Variants in GCNT4 observed in about 807,000 individuals in gnomAD.
GCNT4 encodes glucosaminyl (N-acetyl) transferase 4, also known as beta-1,3-galactosyl-O-glycosyl-glycoprotein beta-1,6-N-acetylglucosaminyltransferase 4.
In GCNT4, 17 loss-of-function variants were observed where a neutral mutation model predicts 31.3. That is an observed-to-expected ratio of 0.54 (90% CI 0.37 to 0.81). The LOEUF (loss-of-function observed/expected upper bound fraction) is 0.81. Among genes scored for constraint, GCNT4 ranks in the 40% least tolerant of loss-of-function variants. The pLI is 0.00. For missense variants in GCNT4, 503 were observed against 525.5 expected, an observed-to-expected ratio of 0.96 and a Z score of 0.42; for synonymous variants, 158 against 190.6, an observed-to-expected ratio of 0.83 and a Z score of 1.41.
downstream of GCNT4, among the ~76,000 whole-genome samples, chr5:75,023,523 CAA>C (rs529493022): frequency 1.4e-5 from 2 of 144,010 alleles, no homozygotes. Flanking sequence ...TTTATGACAG[CAA>C]AAAAAAAAAG....
upstream of GCNT4, among the ~76,000 whole-genome samples, chr5:75,053,940 C>G (rs1187880447): frequency 2.0e-5 from 3 of 152,154 alleles, no homozygotes; most frequent in Admixed American, 1.3e-4. Context: ...AGTGACGAAG[C>G]AAACTCACAT....
rs200659318 is a variant in GCNT4, at chr5:75,029,292, G to A, written c.746C>T (p.Ala249Val). 6.2e-6 allele frequency: 10 copies of A among 1,613,944 alleles called. No individual in the cohort carries two copies. The highest frequency in any genetic ancestry group is 7.6e-6 in the Non-Finnish European group (9 of 1,180,008). ...LVSELKKLNGANMLETVKPPN... is the reference protein window; with the variant it reads ...LVSELKKLNGVNMLETVKPPN... ...GGGTTTCACCGTCTCCAACATATTTGCTCCATTGAGTTTTTTCAACTCTGA... is the reference window on the plus strand; with the variant it reads ...GGGTTTCACCGTCTCCAACATATTTACTCCATTGAGTTTTTTCAACTCTGA... The change falls in exon 4 of 4, where the codon GCA (alanine) becomes GTA (valine). Residue 249 changes from alanine to valine, a missense_variant. By Grantham distance (64) the Ala-to-Val change is moderately conservative (BLOSUM62 0). Coordinates refer to ENST00000652361, the MANE Select transcript of GCNT4 (RefSeq NM_001366737.1).
the GCNT4 span, among the ~76,000 whole-genome samples, chr5:75,018,020 C>T: frequency 6.6e-6 from 1 of 152,164 alleles, no homozygotes; most frequent in Non-Finnish European, 1.5e-5. Context: ...AACTCAGGCC[C>T]AATCCCAGAA....
the GCNT4 span, among the ~76,000 whole-genome samples, chr5:75,019,696 T>A: frequency 1.3e-5 from 2 of 152,210 alleles, no homozygotes; most frequent in Non-Finnish European, 2.9e-5. Context: ...CTGTAAGATT[T>A]TATATATATA....
intron 2 of GCNT4, among the ~76,000 whole-genome samples, chr5:75,050,543 A>G (rs908945413): frequency 1.3e-5 from 2 of 151,954 alleles, no homozygotes; most frequent in Non-Finnish European, 2.9e-5. Flanking sequence ...GAGGACCACC[A>G]TCTGTGGAGA....
chr5:75,031,908 G>A (rs1743072069), intron 3 of GCNT4, among the ~76,000 whole-genome samples: 1 of 152,158 alleles, frequency 6.6e-6, no homozygotes, highest in Non-Finnish European at 1.5e-5. Context: ...GAGCACCCCT[G>A]TGCAATTTCC....
chr5:75,032,462 T>A (rs1157222888), intron 3 of GCNT4, among the ~76,000 whole-genome samples: 2 of 152,202 alleles, frequency 1.3e-5, no homozygotes, highest in Non-Finnish European at 2.9e-5. Context: ...CATCCACTCA[T>A]GGCCCATGTT....
intron 3 of GCNT4, among the ~76,000 whole-genome samples, chr5:75,032,907 G>A (rs1317898133): frequency 1.5e-5 from 2 of 137,044 alleles, no homozygotes; most frequent in African/African-American, 5.6e-5. Flanking sequence ...GTGTGTGTGT[G>A]TGTGTGTGTG....
At chr5:75,035,042 C>T (rs1379070298) in intron 3 of GCNT4, among the ~76,000 whole-genome samples, 5 of 71,456 alleles carry the variant, frequency 7.0e-5, no homozygotes, top group African/African-American at 3.8e-4. Context: ...TCAGGGACAC[C>T]CCAGCTAAGC....
downstream of GCNT4, among the ~76,000 whole-genome samples, chr5:75,024,950 C>CAAAA (rs1239662355): frequency 1.2e-4 from 5 of 40,530 alleles, no homozygotes; most frequent in African/African-American, 1.8e-4. Context: ...GACTCCATCT[C>CAAAA]AAAAAAAAAA....
the GCNT4 span, among the ~76,000 whole-genome samples, chr5:75,018,034 C>A: frequency 6.6e-6 from 1 of 152,132 alleles, no homozygotes; most frequent in South Asian, 2.1e-4. Context: ...CCCAGAAATA[C>A]CAAATCAGAA....
chr5:75,051,072 T>C (rs1561380047), intron 2 of GCNT4, among the ~76,000 whole-genome samples: 4 of 152,244 alleles, frequency 2.6e-5, no homozygotes, highest in African/African-American at 9.6e-5. Flanking sequence ...CAGGTCATAC[T>C]GAACCTGTCT....
intron 3 of GCNT4, among the ~76,000 whole-genome samples, chr5:75,037,783 C>T (rs1443297001): frequency 6.6e-6 from 1 of 151,832 alleles, no homozygotes; most frequent in East Asian, 1.9e-4. Context: ...GAGGCCGAGG[C>T]AGGAGAATTG....
intron 2 of GCNT4, among the ~76,000 whole-genome samples, chr5:75,049,373 A>C (rs1743515891): frequency 6.6e-6 from 1 of 152,192 alleles, no homozygotes; most frequent in African/African-American, 2.4e-5. Context: ...TACCTTTATC[A>C]AATGATATCT....
downstream of GCNT4, among the ~76,000 whole-genome samples, chr5:75,020,365 G>C (rs1031257526): frequency 6.6e-6 from 1 of 152,084 alleles, no homozygotes; most frequent in African/African-American, 2.4e-5. Context: ...CAGTTGCTTC[G>C]AAGGCAGACA....
In GCNT4 at chr5:75,029,438, A is replaced by G. The variant is rs1743012936; in HGVS notation, c.600T>C (p.Ile200=). 6.2e-7 allele frequency: 1 copy of G among 1,614,140 alleles called. No homozygotes were observed. Among genetic ancestry groups the G allele is most frequent in the South Asian group, 1.1e-5 (1 of 91,080 alleles). ...SKLEAVEYAH[I]SRLQADLNCL... is the part of the protein sequence containing the mutation. ...AATTTAAATCAGCCTGGAGTCTGGA[A>G]ATGTGGGCATATTCCACAGCCTCTA... Residue 200 remains isoleucine (I), a synonymous_variant, in exon 4 of 4, where the codon ATT becomes ATC. Coordinates refer to ENST00000652361, the MANE Select transcript of GCNT4 (RefSeq NM_001366737.1).
chr5:75,047,124 T>C (rs1743458363), intron 3 of GCNT4, among the ~76,000 whole-genome samples: 1 of 152,244 alleles, frequency 6.6e-6, no homozygotes, highest in African/African-American at 2.4e-5. Flanking sequence ...CAATTCTCAC[T>C]GCATCTCTGG....
At position 75,027,443 on chromosome 5, in the gene GCNT4, TTATA is replaced by T. The variant is rs200780230; in HGVS notation, c.*1229_*1232del. 10,247 of 143,338 alleles carry T rather than the reference TTATA, an allele frequency of 0.071. 435 individuals are homozygous for T. The highest frequency in any genetic ancestry group is 0.095 in the Middle Eastern group (26 of 274). 8.9% of individuals were successfully genotyped at this position (143,338 alleles called of 1,614,324 possible). On this transcript the variant is annotated 3_prime_UTR_variant, in exon 4 of 4. Coordinates refer to ENST00000652361, the MANE Select transcript of GCNT4 (RefSeq NM_001366737.1). ...ATATTACATATATATAAAATATATA[TTATA>T]TATATATATTTTTGACTCATTGGGT...
intron 3 of GCNT4, among the ~76,000 whole-genome samples, chr5:75,045,598 T>G (rs993867647): frequency 6.6e-6 from 1 of 152,256 alleles, no homozygotes; most frequent in Non-Finnish European, 1.5e-5. Context: ...AACAAGGGTG[T>G]ACAAACACCT....
Sources: allele counts gnomAD v4.1 joint callset (sites outside exome capture counted in the v4.1 genomes callset), GRCh38; gene constraint gnomAD v4.1.1; transcripts MANE v1.5; gene names NCBI Gene and HGNC (gene_info 2026-07-23, HGNC 2026-07-21).